The following ST7L variants were observed in gnomAD, a reference collection of about 807,000 sequenced individuals.
ST7L encodes the protein suppressor of tumorigenicity 7 protein-like.
Under a neutral mutation model 72.5 loss-of-function variants are expected in ST7L, and 57 were observed. That is an observed-to-expected ratio of 0.79 (90% confidence interval 0.64 to 0.98). The LOEUF (loss-of-function observed/expected upper bound fraction) is 0.98. Ranked by LOEUF, ST7L falls within the 50% of genes least tolerant of loss-of-function variation. The pLI, the probability that ST7L is intolerant of heterozygous loss-of-function variation, is 0.00. For synonymous variants in ST7L, 221 were observed against 240.9 expected, an observed-to-expected ratio of 0.92 and a Z score of 0.77; for missense variants, 576 against 672.2, an observed-to-expected ratio of 0.86 and a Z score of 1.58.
At chr1:112,541,273 C>T (rs1430925519) in intron 14 of ST7L, among the ~76,000 whole-genome samples, 1 of 150,878 alleles carries the variant, frequency 6.6e-6, no homozygotes, top group East Asian at 1.9e-4. Context: ...CACAGCGAGA[C>T]CTTGTCTCAG....
intron 14 of ST7L, among the ~76,000 whole-genome samples, chr1:112,531,422 C>T (rs1654363031): frequency 6.6e-6 from 1 of 152,186 alleles, no homozygotes; most frequent in African/African-American, 2.4e-5. Context: ...GATGAAAGTA[C>T]TCCACATCAC....
intron 11 of ST7L, among the ~76,000 whole-genome samples, chr1:112,567,627 T>G (rs890201279): frequency 1.3e-5 from 2 of 152,188 alleles, no homozygotes; most frequent in Non-Finnish European, 2.9e-5. Flanking sequence ...AATTTTTGTG[T>G]ATGCTATGTG....
rs1026162049 is a variant in ST7L, at chr1:112,585,748, T to A, written c.702-1622A>T. Among the ~76,000 whole-genome samples, 7 of 148,888 alleles carry A rather than the reference T, an allele frequency of 4.7e-5. No individual in the cohort carries two copies. In the East Asian group the frequency reaches 5.9e-4, roughly 13 times the overall value. The stretch of plus-strand genomic sequence containing the variant: ...ACTCCGTCTCAAAAAAAAAAAAAAA[T>A]TAATATTTTGAATATAGCTAAATAA... On this transcript the variant is annotated intron_variant, in intron 6 of 14. Transcript: ENST00000358039.
chr1:112,564,312 A>G (rs566600393), intron 11 of ST7L, among the ~76,000 whole-genome samples: 1 of 152,298 alleles, frequency 6.6e-6, no homozygotes, highest in African/African-American at 2.4e-5. Flanking sequence ...TAAGCATTTC[A>G]TATCTCAACT....
At chr1:112,611,219 T>C (rs998555419) in intron 2 of ST7L, among the ~76,000 whole-genome samples, 1 of 152,218 alleles carries the variant, frequency 6.6e-6, no homozygotes, top group Non-Finnish European at 1.5e-5. Flanking sequence ...TTAGACAAGC[T>C]TAAGCAAAAC....
intron 3 of ST7L, among the ~76,000 whole-genome samples, chr1:112,603,817 C>G (rs1667792189): frequency 6.6e-6 from 1 of 152,128 alleles, no homozygotes; most frequent in African/African-American, 2.4e-5. Flanking sequence ...AGAGAGAGCT[C>G]TGGTATCTCT....
chr1:112,518,429 A>C, the ST7L span: 1 of 152,240 alleles, frequency 6.6e-6, no homozygotes, highest in Non-Finnish European at 1.5e-5. Context: ...GGAAGAGTCA[A>C]GTGGCTTGGA....
intron 12 of ST7L, among the ~76,000 whole-genome samples, chr1:112,554,677 T>C (rs191016748): frequency 6.6e-6 from 1 of 152,282 alleles, no homozygotes; most frequent in Admixed American, 6.5e-5. Context: ...TACACCAATA[T>C]TTGTAGCAGC....
Position 112,576,971 on chromosome 1 carries a change from C to G in ST7L, c.1245+15G>C, listed in dbSNP as rs1017639009. On this transcript the variant is annotated intron_variant, in intron 11 of 14. Transcript: ENST00000358039. Reference sequence around the variant, plus strand: ...ACTTAAATAAAGGTAGTATTTTTATCATAAAATTTCTCACTTTTGGAACAT... The same window carrying G: ...ACTTAAATAAAGGTAGTATTTTTATGATAAAATTTCTCACTTTTGGAACAT... The G allele has an allele frequency of 1.3e-6, 2 of 1,553,926 alleles. No homozygotes were observed. Among genetic ancestry groups the G allele is most frequent in the African/African-American group, 2.7e-5 (2 of 73,086 alleles).
At chr1:112,590,420 G>C (rs1665517616) in intron 6 of ST7L, among the ~76,000 whole-genome samples, 1 of 152,172 alleles carries the variant, frequency 6.6e-6, no homozygotes, top group Non-Finnish European at 1.5e-5. Context: ...TTAGTTTCCA[G>C]AGTTTTAATA....
chr1:112,545,670 C>G (rs530283805), intron 13 of ST7L, among the ~76,000 whole-genome samples: 22 of 152,096 alleles, frequency 1.4e-4, no homozygotes, highest in Non-Finnish European at 3.1e-4. Flanking sequence ...TTTCTTCTTC[C>G]TTTTAGTTCT....
chr1:112,607,704 TA>T (rs34153042), intron 3 of ST7L: 76,005 of 149,930 alleles, frequency 0.51, 19,511 homozygotes, highest in East Asian at 0.65. Context: ...TGATATAAAC[TA>T]AAAAAAAAAC....
intron 4 of ST7L, among the ~76,000 whole-genome samples, chr1:112,598,723 A>G (rs1470407013): frequency 6.6e-6 from 1 of 151,870 alleles, no homozygotes; most frequent in Non-Finnish European, 1.5e-5. Flanking sequence ...AGAGAAAATA[A>G]TCATTCAAAA....
At chr1:112,539,550 G>C (rs1655756252) in intron 14 of ST7L, 1 of 289,408 alleles carries the variant, frequency 3.5e-6, no homozygotes, top group Non-Finnish European at 5.2e-6. Flanking sequence ...CAGCTATGTG[G>C]GAGGCTGAGG....
chr1:112,614,919 C>T (rs1669631643), intron 2 of ST7L, among the ~76,000 whole-genome samples: 1 of 152,056 alleles, frequency 6.6e-6, no homozygotes, highest in African/African-American at 2.4e-5. Flanking sequence ...GGGATGTTAA[C>T]GTGAATTATA....
intron 11 of ST7L, among the ~76,000 whole-genome samples, chr1:112,561,872 TA>T (rs1660209814): frequency 7.0e-6 from 1 of 143,598 alleles, no homozygotes; most frequent in South Asian, 2.2e-4. Flanking sequence ...CTGTCATCTT[TA>T]AAAGGTAAAA....
chr1:112,527,593 TGAGCTGCTGATGACAGCAGCTTC>T (rs1653667313), intron 14 of ST7L: 1 of 152,664 alleles, frequency 6.6e-6, no homozygotes, highest in Admixed American at 6.5e-5. Flanking sequence ...GAGTGTTGAA[TGAGCTGCTGATGACAGCAGCTTC>T]ATAGGTCTTG....
At chr1:112,572,415 C>T (rs1028723494) in intron 11 of ST7L, among the ~76,000 whole-genome samples, 15 of 152,062 alleles carry the variant, frequency 9.9e-5, no homozygotes, top group African/African-American at 3.6e-4. Flanking sequence ...CATCTTCTTC[C>T]AATAGAAGGC....
intron 11 of ST7L, among the ~76,000 whole-genome samples, chr1:112,567,576 GT>G (rs1661251741): frequency 6.6e-6 from 1 of 152,054 alleles, no homozygotes; most frequent in African/African-American, 2.4e-5. Flanking sequence ...ATGTTGTATA[GT>G]TTTGGTTTTT....
Sources: allele counts gnomAD v4.1 joint callset (sites outside exome capture counted in the v4.1 genomes callset), GRCh38; gene constraint gnomAD v4.1.1; transcripts MANE v1.5; gene names NCBI Gene and HGNC (gene_info 2026-07-23, HGNC 2026-07-21).